PDSS2: variants seen among roughly 807,000 people sequenced by gnomAD.
PDSS2 encodes the protein all trans-polyprenyl-diphosphate synthase PDSS2.
PDSS2 carries 31 observed loss-of-function variants against 44.5 expected under a neutral mutation model. The ratio of observed to expected loss-of-function variants is 0.70; its 90% CI spans 0.52 to 0.94. PDSS2 has a LOEUF of 0.94. Ranked by LOEUF, PDSS2 falls within the 40% of genes least tolerant of loss-of-function variation. The probability of loss-of-function intolerance (pLI) is 0.00; values close to 1 mark genes in which losing one functional copy is unlikely to be tolerated. For missense variants in PDSS2, 452 were observed against 482.2 expected, an observed-to-expected ratio of 0.94 and a Z score of 0.59; for synonymous variants, 157 against 180.3, an observed-to-expected ratio of 0.87 and a Z score of 1.03.
intron 1 of PDSS2, among the ~76,000 whole-genome samples, chr6:107,364,972 C>A (rs901276432): frequency 2.0e-5 from 3 of 152,046 alleles, no homozygotes; most frequent in Non-Finnish European, 4.4e-5. Flanking sequence ...GGCAGCTAAG[C>A]CTTTGTATAC....
chr6:107,350,486 T>C (rs1157731565), intron 1 of PDSS2, among the ~76,000 whole-genome samples: 1 of 152,212 alleles, frequency 6.6e-6, no homozygotes, highest in African/African-American at 2.4e-5. Flanking sequence ...AGAGAACTTA[T>C]GAAGTTTAGC....
chr6:107,283,458 C>T lies in PDSS2; in HGVS notation c.432-9231G>A, dbSNP rs565494532. 6.6e-5 allele frequency among the ~76,000 whole-genome samples: 10 copies of T among 152,282 alleles called. No individual in the cohort carries two copies. The East Asian group carries it at 1.9e-3, about 29-fold the overall frequency. On this transcript the variant is annotated intron_variant, in intron 2 of 7. Coordinates refer to ENST00000369037, the MANE Select transcript of PDSS2 (RefSeq NM_020381.4). ...AGAATTGTCTGGGCGCGGTGGCTCA[C>T]GCCTGTAATTCCAGTACTTTGGGAG... is the stretch of plus-strand genomic sequence containing the variant.
intron 1 of PDSS2, among the ~76,000 whole-genome samples, chr6:107,422,526 C>T (rs1228957507): frequency 1.3e-5 from 2 of 151,976 alleles, no homozygotes; most frequent in Middle Eastern, 3.4e-3. Context: ...AATTCCATCA[C>T]AGTACTATCT....
At chr6:107,242,523 C>T (rs766227594) in intron 4 of PDSS2, among the ~76,000 whole-genome samples, 6 of 151,742 alleles carry the variant, frequency 4.0e-5, no homozygotes, top group Non-Finnish European at 5.9e-5. Flanking sequence ...GGATTACAGG[C>T]GTGAGCCACC....
chr6:107,459,385 G>C lies in PDSS2; in HGVS notation c.-100C>G. 3 of 966,028 alleles carry C rather than the reference G, an allele frequency of 3.1e-6. No homozygotes were observed. The highest frequency in any genetic ancestry group is 3.2e-6 in the Non-Finnish European group (2 of 627,710). 59.8% of individuals were successfully genotyped at this position (966,028 alleles called of 1,614,324 possible). A position where few individuals can be genotyped will look rare whatever the true frequency, so the allele number is the denominator to read the frequency against. Reference sequence around the variant, plus strand: ...GAACTTACAGTAACTAAAAGGAAGCGGCAATTCTTGACCCTCAGAGTAAGG... The same window carrying C: ...GAACTTACAGTAACTAAAAGGAAGCCGCAATTCTTGACCCTCAGAGTAAGG... On this transcript the variant is annotated 5_prime_UTR_variant, in exon 1 of 8. Coordinates refer to ENST00000369037, the MANE Select transcript of PDSS2 (RefSeq NM_020381.4). The surrounding 1 kb of genome is among the most constrained non-coding windows in gnomAD (Gnocchi z 4.3).
At position 107,383,940 on chromosome 6, in the gene PDSS2, A is replaced by G. The variant is rs180730005; in HGVS notation, c.297-49608T>C. 1.1e-4 allele frequency among the ~76,000 whole-genome samples: 17 copies of G among 152,370 alleles called. No homozygotes were observed. In the East Asian group the frequency reaches 2.3e-3, roughly 21 times the overall value. On this transcript the variant is annotated intron_variant, in intron 1 of 7. Transcript: ENST00000369037. ...ATATACACCAAAGAGAAATGAAAAC[A>G]TGTATTCACACAAGAACTTGTAAAC...
intron 2 of PDSS2, among the ~76,000 whole-genome samples, chr6:107,333,107 A>G (rs1216142562): frequency 6.6e-6 from 1 of 152,222 alleles, no homozygotes; most frequent in Non-Finnish European, 1.5e-5. Context: ...AAATAGATTT[A>G]TTTTTAAAGT....
intron 7 of PDSS2, among the ~76,000 whole-genome samples, chr6:107,176,425 C>T (rs1771788767): frequency 3.1e-5 from 2 of 64,250 alleles, no homozygotes; most frequent in African/African-American, 9.9e-5. Context: ...CACACACACA[C>T]ACATACACAC....
At chr6:107,227,671 C>T (rs976811886) in intron 4 of PDSS2, among the ~76,000 whole-genome samples, 11 of 151,926 alleles carry the variant, frequency 7.2e-5, no homozygotes, top group Non-Finnish European at 1.2e-4. Flanking sequence ...GGTGGTGGTA[C>T]GGAAGAGTAA....
At chr6:107,316,449 T>C (rs985834001) in intron 2 of PDSS2, among the ~76,000 whole-genome samples, 2 of 148,798 alleles carry the variant, frequency 1.3e-5, no homozygotes, top group African/African-American at 4.9e-5. Flanking sequence ...AAAAGGTTGC[T>C]TTTTTTTTTA....
chr6:107,379,592 T>C (rs1779394409), intron 1 of PDSS2, among the ~76,000 whole-genome samples: 1 of 152,232 alleles, frequency 6.6e-6, no homozygotes. Context: ...TGTTATTTGG[T>C]GTTAAATACA....
rs950671310 is a variant in PDSS2, at chr6:107,396,678, C to CTTTTTTTT, written c.296+62304_296+62311dup. On this transcript the variant is annotated intron_variant, in intron 1 of 7. Transcript: ENST00000369037. ...CTTTCTTTTTTTCCTCTTCTTTTTT[C>CTTTTTTTT]TTTTTTTTTTTTTTTTTTTTTTGAG... Among the ~76,000 whole-genome samples, 435 of 79,250 alleles carry CTTTTTTTT rather than the reference C, an allele frequency of 5.5e-3. 1 individual carries two copies. Among genetic ancestry groups the CTTTTTTTT allele is most frequent in the East Asian group, 8.4e-3 (26 of 3,082 alleles). The allele number at this position is 79,250 out of a possible 152,430, so 52.0% of individuals were successfully genotyped here. A position where few individuals can be genotyped will look rare whatever the true frequency, so the allele number is the denominator to read the frequency against.
At chr6:107,303,708 C>T (rs1451375844) in intron 2 of PDSS2, among the ~76,000 whole-genome samples, 3 of 152,096 alleles carry the variant, frequency 2.0e-5, no homozygotes, top group Non-Finnish European at 4.4e-5. Flanking sequence ...CAATATTCTC[C>T]AGACCCCACT....
rs1463359127 is a variant in PDSS2, at chr6:107,277,900, C to T, written c.432-3673G>A. Among the ~76,000 whole-genome samples the T allele has an allele frequency of 3.3e-5, 5 of 152,018 alleles. No homozygotes were observed. In the East Asian group the frequency reaches 9.7e-4, roughly 29 times the overall value. ...ACTTGAACCCGGAAGGCAGAGGTTG[C>T]AGTTAGCTGAGATTGCACCACTGCA... On this transcript the variant is annotated intron_variant, in intron 2 of 7. Coordinates refer to ENST00000369037, the MANE Select transcript of PDSS2 (RefSeq NM_020381.4).
chr6:107,339,550 C>A lies in PDSS2; in HGVS notation c.297-5218G>T, dbSNP rs527340724. ...AATGGAAGAGACTGGTAATAAAAAA[C>A]GAATCATGAGGACGTGTAAAACTAC... is the stretch of plus-strand genomic sequence containing the variant. On this transcript the variant is annotated intron_variant, in intron 1 of 7. Transcript: ENST00000369037. 8.5e-5 allele frequency among the ~76,000 whole-genome samples: 13 copies of A among 152,182 alleles called. No individual in the cohort carries two copies. The South Asian group carries it at 2.7e-3, about 32-fold the overall frequency.
At chr6:107,309,303 G>A (rs910275828) in intron 2 of PDSS2, among the ~76,000 whole-genome samples, 5 of 152,172 alleles carry the variant, frequency 3.3e-5, no homozygotes, top group African/African-American at 9.7e-5. Flanking sequence ...CAGAGTGGCC[G>A]TAACAGAGTT....
chr6:107,426,683 G>A (rs1310309577), intron 1 of PDSS2, among the ~76,000 whole-genome samples: 1 of 152,200 alleles, frequency 6.6e-6, no homozygotes, highest in East Asian at 1.9e-4. Context: ...GACCATGGGA[G>A]CCCACCCTTT....
chr6:107,376,388 C>G (rs938129224), intron 1 of PDSS2, among the ~76,000 whole-genome samples: 4 of 152,004 alleles, frequency 2.6e-5, no homozygotes, highest in African/African-American at 7.2e-5. Flanking sequence ...TTCTTCCTAC[C>G]CATGAGCATG....
chr6:107,176,505 G>A (rs752787498), intron 7 of PDSS2, among the ~76,000 whole-genome samples: 3 of 151,442 alleles, frequency 2.0e-5, no homozygotes, highest in Admixed American at 6.6e-5. Context: ...TGTCCTCCAC[G>A]TTTATCAATT....
Sources: allele counts gnomAD v4.1 joint callset (sites outside exome capture counted in the v4.1 genomes callset), GRCh38; gene constraint gnomAD v4.1.1; non-coding constraint Gnocchi (gnomAD v3.1); transcripts MANE v1.5; gene names NCBI Gene and HGNC (gene_info 2026-07-23, HGNC 2026-07-21).